The following PTPRF variants were observed in gnomAD, a reference collection of about 807,000 sequenced individuals.
The protein encoded by PTPRF is receptor-type tyrosine-protein phosphatase F.
A neutral mutation model predicts 201.8 loss-of-function variants in PTPRF; 59 were observed. The observed-to-expected ratio is 0.29, with a 90% CI of 0.24 to 0.36. The LOEUF (loss-of-function observed/expected upper bound fraction) is 0.36, where lower values mean the gene tolerates loss of function less well. PTPRF is among the 10% of genes least tolerant of loss of function. The pLI is 1.00. For synonymous variants in PTPRF, 1,088 were observed against 1,089.7 expected, an observed-to-expected ratio of 1.00 and a Z score of 0.03; for missense variants, 2,132 against 2,690.5, an observed-to-expected ratio of 0.79 and a Z score of 4.59.
chr1:43,598,739 G>C lies in PTPRF; in HGVS notation c.2139G>C (p.Arg713=). The part of the protein sequence containing the change: ...TDEDVPSGPP[R]KVEVEPLNST... The stretch of plus-strand genomic sequence containing the variant: ...CCCCAGTGCCCAGCGGGCCTCCGCG[G>C]AAGGTGGAGGTGGAGCCACTGAACT... Residue 713 remains arginine (R), a synonymous_variant, in exon 13 of 34, where the codon CGG becomes CGC. Coordinates refer to ENST00000359947, the MANE Select transcript of PTPRF (RefSeq NM_002840.5). 1 of 1,613,682 alleles carries C rather than the reference G, an allele frequency of 6.2e-7. No individual in the cohort carries two copies. The highest frequency in any genetic ancestry group is 1.3e-5 in the African/African-American group (1 of 75,034).
At chr1:43,569,095 T>C (rs1015430330) in intron 5 of PTPRF, among the ~76,000 whole-genome samples, 2 of 152,036 alleles carry the variant, frequency 1.3e-5, no homozygotes, top group Non-Finnish European at 2.9e-5. Context: ...GGCTCTGCCA[T>C]GTGATAGAGC....
chr1:43,567,683 G>GC (rs1354772526), intron 5 of PTPRF, among the ~76,000 whole-genome samples: 2 of 152,068 alleles, frequency 1.3e-5, no homozygotes, highest in East Asian at 3.9e-4. Context: ...TCTTCTACCC[G>GC]CCCCCCAGTC....
At chr1:43,564,568 A>G (rs545164101) in intron 5 of PTPRF, among the ~76,000 whole-genome samples, 78 of 151,618 alleles carry the variant, frequency 5.1e-4, no homozygotes, top group Non-Finnish European at 6.3e-4. Context: ...GTAGGTTTCT[A>G]TTTTTACACC....
At position 43,591,895 on chromosome 1, in the gene PTPRF, C is replaced by A. The variant is rs776883780; in HGVS notation, c.1615C>A (p.Arg539=). 4 of 1,613,452 alleles carry A rather than the reference C, an allele frequency of 2.5e-6. No individual in the cohort carries two copies. Among genetic ancestry groups the A allele is most frequent in the East Asian group, 2.2e-5 (1 of 44,874 alleles). The change falls in exon 10 of 34, where the codon CGG becomes AGG. Residue 539 remains arginine (R), a synonymous_variant. Coordinates refer to ENST00000359947, the MANE Select transcript of PTPRF (RefSeq NM_002840.5). ...QLSWLLPPQE[R]IIMYELVYWA... ...CTCGTGGCTGCTGCCCCCTCAGGAG[C>A]GGATCATCATGTATGAACTGGTGTA... is the stretch of plus-strand genomic sequence containing the variant.
intron 6 of PTPRF, among the ~76,000 whole-genome samples, chr1:43,577,709 C>T (rs970707370): frequency 3.9e-5 from 6 of 152,082 alleles, no homozygotes; most frequent in Non-Finnish European, 7.4e-5. Flanking sequence ...AGCCTGGGCC[C>T]TGGGAAGGTG....
At chr1:43,532,059 C>T (rs1294728347) in intron 1 of PTPRF, among the ~76,000 whole-genome samples, 1 of 152,162 alleles carries the variant, frequency 6.6e-6, no homozygotes, top group African/African-American at 2.4e-5. Context: ...TTCCCTGTCC[C>T]TGAGTCTGTT....
At chr1:43,581,483 C>T (rs1028087179) in intron 7 of PTPRF, among the ~76,000 whole-genome samples, 2 of 152,238 alleles carry the variant, frequency 1.3e-5, no homozygotes, top group Non-Finnish European at 2.9e-5. Context: ...GAGCAACCTG[C>T]CCCATAGGCC....
chr1:43,567,880 C>G (rs749660404), intron 5 of PTPRF, among the ~76,000 whole-genome samples: 1 of 152,180 alleles, frequency 6.6e-6, no homozygotes, highest in Admixed American at 6.5e-5. Context: ...TGGTCTCCCC[C>G]ACCATGAGCC....
chr1:43,580,457 A>G (rs1433323252), intron 7 of PTPRF, among the ~76,000 whole-genome samples: 3 of 152,224 alleles, frequency 2.0e-5, no homozygotes, highest in African/African-American at 7.2e-5. Flanking sequence ...AAGATGCTTC[A>G]TGAGAGTTGG....
intron 13 of PTPRF, among the ~76,000 whole-genome samples, chr1:43,599,268 G>C (rs12733052): frequency 0.26 from 39,571 of 152,034 alleles, 6,101 homozygotes; most frequent in East Asian, 0.48. Context: ...TAGAGACAGG[G>C]TTTCACCATA....
chr1:43,592,578 T>C lies in PTPRF; in HGVS notation c.1790T>C (p.Ile597Thr), dbSNP rs1442498608. 7 of 1,603,568 alleles carry C rather than the reference T, an allele frequency of 4.4e-6. No individual in the cohort carries two copies. The highest frequency in any genetic ancestry group is 5.1e-6 in the Non-Finnish European group (6 of 1,175,896). ...GGGGTGGGCGTCTTCACCCCCACCA[T>C]TGAGGCCCGCACAGCCCAGTCCAGT... ...DMGVGVFTPT[I>T]EARTAQSTPS... is the part of the protein sequence containing the mutation. The change falls in exon 11 of 34, where the codon ATT becomes ACT. Residue 597 changes from isoleucine to threonine, a missense_variant. Ile to Thr is a moderately conservative substitution (Grantham distance 89). Around this residue, in one of 6 missense-constraint regions of PTPRF, gnomAD observed 351 missense variants for 401.7 expected, o/e 0.87. Coordinates refer to ENST00000359947, the MANE Select transcript of PTPRF (RefSeq NM_002840.5).
chr1:43,598,928 G>A lies in PTPRF; in HGVS notation c.2313+15G>A. 4 of 1,609,198 alleles carry A rather than the reference G, an allele frequency of 2.5e-6. No homozygotes were observed. The highest frequency in any genetic ancestry group is 3.4e-6 in the Non-Finnish European group (4 of 1,177,762). On this transcript the variant is annotated intron_variant, in intron 13 of 33. Transcript: ENST00000359947. ...CCGAGGCCCAGGTGCAGCATTGGGT[G>A]GTGGTGGGGTGGCAGGGTGAGCACA...
chr1:43,620,158 C>G lies in PTPRF; in HGVS notation c.5175C>G (p.Arg1725=). 1 of 1,614,122 alleles carries G rather than the reference C, an allele frequency of 6.2e-7. No homozygotes were observed. Among genetic ancestry groups the G allele is most frequent in the Non-Finnish European group, 8.5e-7 (1 of 1,179,982 alleles). ...PLAESTEDFW[R]MLWEHNSTII... ...CAGAGAGCACCGAGGACTTCTGGCGCATGCTATGGGAGCACAATTCCACCA... is the reference window on the plus strand; with the variant it reads ...CAGAGAGCACCGAGGACTTCTGGCGGATGCTATGGGAGCACAATTCCACCA... Residue 1725 remains arginine, a synonymous_variant, in exon 30 of 34, where the codon CGC becomes CGG. Transcript: ENST00000359947.
rs2154043029 is a variant in PTPRF at position 43,623,133 on chromosome 1, G to A, written c.*1130G>A. 1 of 152,890 alleles carries A rather than the reference G, an allele frequency of 6.5e-6. No homozygotes were observed. Among genetic ancestry groups the A allele is most frequent in the African/African-American group, 2.4e-5 (1 of 41,602 alleles). The allele number at this position is 152,890 out of a possible 1,614,324, so 9.5% of individuals were successfully genotyped here. ...CACACCCCATGCACCTCAGGGCCAA[G>A]CGGGGGCGTGGCTGGCCTTTCAGGT... On this transcript the variant is annotated 3_prime_UTR_variant, in exon 34 of 34. Transcript: ENST00000359947.
intron 1 of PTPRF, among the ~76,000 whole-genome samples, chr1:43,534,965 A>G (rs138181927): frequency 2.6e-5 from 4 of 152,360 alleles, no homozygotes; most frequent in Admixed American, 2.0e-4. Flanking sequence ...GATAGTATGC[A>G]TAAAGTGTGT....
intron 1 of PTPRF, among the ~76,000 whole-genome samples, chr1:43,533,768 C>T (rs1011172864): frequency 1.3e-5 from 2 of 152,180 alleles, no homozygotes; most frequent in African/African-American, 4.8e-5. Flanking sequence ...AGGGCCCTAC[C>T]CTCGAGAAGC....
intron 26 of PTPRF, 35 bp from the exon 27 acceptor site, chr1:43,619,013 C>T (rs1658530926): frequency 1.2e-6 from 2 of 1,602,136 alleles, no homozygotes; most frequent in Admixed American, 1.7e-5. Flanking sequence ...CAGGTAGGCT[C>T]CTAGTCGCCA....
chr1:43,586,587 C>T (rs572322637), intron 7 of PTPRF, among the ~76,000 whole-genome samples: 75 of 152,370 alleles, frequency 4.9e-4, no homozygotes, highest in African/African-American at 1.8e-3. Flanking sequence ...GAACAGATGA[C>T]AGAAACCCAC....
At chr1:43,568,606 C>T (rs1359471354) in intron 5 of PTPRF, among the ~76,000 whole-genome samples, 2 of 152,202 alleles carry the variant, frequency 1.3e-5, no homozygotes, top group Non-Finnish European at 2.9e-5. Flanking sequence ...AAAGCTAGTT[C>T]GTGGTGAACG....
Sources: allele counts gnomAD v4.1 joint callset (sites outside exome capture counted in the v4.1 genomes callset), GRCh38; gene constraint gnomAD v4.1.1; regional missense constraint gnomAD v4.1.1; transcripts MANE v1.5; gene names NCBI Gene and HGNC (gene_info 2026-07-23, HGNC 2026-07-21).